The following PLXNA2 variants were observed in gnomAD, a reference collection of about 807,000 sequenced individuals.
PLXNA2 encodes plexin A2.
In PLXNA2, 91 loss-of-function variants were observed where a neutral mutation model predicts 193.5. The observed-to-expected ratio is 0.47, with a 90% CI of 0.40 to 0.56. The LOEUF (loss-of-function observed/expected upper bound fraction) is 0.56, where lower values mean the gene tolerates loss of function less well. Ranked by LOEUF, PLXNA2 falls within the 20% of genes least tolerant of loss-of-function variation. The pLI, the probability that PLXNA2 is intolerant of heterozygous loss-of-function variation, is 0.00. For missense variants in PLXNA2, 1,995 were observed against 2,503.2 expected, an observed-to-expected ratio of 0.80 and a Z score of 4.33; for synonymous variants, 997 against 1,027.3, an observed-to-expected ratio of 0.97 and a Z score of 0.56.
At chr1:208,117,106 G>A (rs1667660028) in intron 4 of PLXNA2, among the ~76,000 whole-genome samples, 1 of 152,172 alleles carries the variant, frequency 6.6e-6, no homozygotes, top group African/African-American at 2.4e-5. Context: ...GGGAGGTGGA[G>A]GTTGCAGTGA....
intron 4 of PLXNA2, among the ~76,000 whole-genome samples, chr1:208,135,605 A>G (rs1394739207): frequency 6.6e-6 from 1 of 152,206 alleles, no homozygotes; most frequent in Non-Finnish European, 1.5e-5. Context: ...TAAAGTTGTC[A>G]GTACTTCCCC....
intron 26 of PLXNA2, among the ~76,000 whole-genome samples, chr1:208,036,731 A>G (rs562839919): frequency 1.3e-5 from 2 of 152,360 alleles, no homozygotes; most frequent in East Asian, 3.9e-4. Context: ...AGTAAAACTC[A>G]GTAAATATTT....
At position 208,038,762 on chromosome 1, in the gene PLXNA2, T is replaced by A; in HGVS notation, c.4660+63A>T. On this transcript the variant is annotated intron_variant, in intron 25 of 31. Transcript: ENST00000367033. The surrounding 1 kb of genome is among the most constrained non-coding windows in gnomAD (Gnocchi z 4.1). ...CATGCCCCTGCAAGGGTTGTGTGCA[T>A]GGCAGCTTCCCTTCCTTCACCTCTC... 1 of 1,533,164 alleles carries A rather than the reference T, an allele frequency of 6.5e-7. No homozygotes were observed. Among genetic ancestry groups the A allele is most frequent in the Non-Finnish European group, 9.0e-7 (1 of 1,116,904 alleles). The allele number at this position is 1,533,164 out of a possible 1,614,324, so 95.0% of individuals were successfully genotyped here.
At chr1:208,198,627 C>G (rs895339260) in intron 3 of PLXNA2, among the ~76,000 whole-genome samples, 3 of 152,182 alleles carry the variant, frequency 2.0e-5, no homozygotes, top group African/African-American at 7.2e-5. Flanking sequence ...CAGCGTGTGC[C>G]GAGGTGACAG....
chr1:208,052,612 T>A, intron 14 of PLXNA2, 149 bp from the exon 15 acceptor site: 1 of 723,222 alleles, frequency 1.4e-6, no homozygotes, highest in Non-Finnish European at 2.3e-6. Flanking sequence ...TCTCTCTGCT[T>A]ACCCCAGAGG....
chr1:208,177,013 ACTC>A (rs57607136), intron 3 of PLXNA2, among the ~76,000 whole-genome samples: 57,351 of 151,336 alleles, frequency 0.38, 10,941 homozygotes, highest in Middle Eastern at 0.44. Context: ...ACAGCTCAAA[ACTC>A]CTTGCATTAC....
chr1:208,122,826 T>C (rs1269934235), intron 4 of PLXNA2, among the ~76,000 whole-genome samples: 1 of 152,166 alleles, frequency 6.6e-6, no homozygotes, highest in Admixed American at 6.5e-5. Context: ...ACTTCCTCTT[T>C]GGGTGGTGGT....
intron 3 of PLXNA2, among the ~76,000 whole-genome samples, chr1:208,190,292 A>G (rs1260005238): frequency 6.6e-6 from 1 of 152,148 alleles, no homozygotes; most frequent in African/African-American, 2.4e-5. Context: ...AGATGAGTAG[A>G]CTTTGGGGCT....
At chr1:208,049,974 A>G (rs565862817) in intron 17 of PLXNA2, among the ~76,000 whole-genome samples, 1 of 152,360 alleles carries the variant, frequency 6.6e-6, no homozygotes, top group South Asian at 2.1e-4. Flanking sequence ...ATAATTACAA[A>G]TACAATCATG....
rs576984086 is a variant in PLXNA2, at chr1:208,029,935, C to T, written c.5226-893G>A. The T allele has an allele frequency of 9.6e-5, 95 of 985,568 alleles. No individual in the cohort carries two copies. The South Asian group carries it at 1.7e-3, about 18-fold the overall frequency. The allele number at this position is 985,568 out of a possible 1,614,324, so 61.1% of individuals were successfully genotyped here. A position where few individuals can be genotyped will look rare whatever the true frequency, so the allele number is the denominator to read the frequency against. On this transcript the variant is annotated intron_variant, in intron 29 of 31. Coordinates refer to ENST00000367033, the MANE Select transcript of PLXNA2 (RefSeq NM_025179.4). ...GACTCCTCTGTGGAACCGGTCCTGT[C>T]ACAGGCTTGTCCTCCAGCCTGAGAT...
At chr1:208,210,685 C>A (rs1055159120) in intron 2 of PLXNA2, among the ~76,000 whole-genome samples, 2 of 152,290 alleles carry the variant, frequency 1.3e-5, no homozygotes, top group East Asian at 1.9e-4. Flanking sequence ...CAGGCAGCAA[C>A]CTTCCACTCA....
intron 31 of PLXNA2, 62 bp from the exon 32 acceptor site, chr1:208,027,400 G>A (rs1664374510): frequency 2.9e-6 from 4 of 1,398,724 alleles, no homozygotes; most frequent in African/African-American, 2.8e-5. Flanking sequence ...ACCATTTTCT[G>A]GAGTCGTTCC....
intron 4 of PLXNA2, among the ~76,000 whole-genome samples, chr1:208,119,142 C>T (rs1049285672): frequency 6.6e-6 from 1 of 152,072 alleles, no homozygotes; most frequent in Non-Finnish European, 1.5e-5. Context: ...TGCCTGAATG[C>T]TTCTTTTTTT....
At chr1:208,181,113 C>A (rs935745226) in intron 3 of PLXNA2, among the ~76,000 whole-genome samples, 7 of 152,208 alleles carry the variant, frequency 4.6e-5, no homozygotes, top group Non-Finnish European at 1.0e-4. Flanking sequence ...GTGGGAGGTT[C>A]TCTGGAGTGA....
rs117074428 is a variant in PLXNA2, at chr1:208,115,528, T to C, written c.1507-12281A>G. 1.1e-3 allele frequency among the ~76,000 whole-genome samples: 174 copies of C among 152,330 alleles called. No individual in the cohort carries two copies. The East Asian group carries it at 0.019, about 16-fold the overall frequency. On this transcript the variant is annotated intron_variant, in intron 4 of 31. Coordinates refer to ENST00000367033, the MANE Select transcript of PLXNA2 (RefSeq NM_025179.4). Reference sequence around the variant, plus strand: ...TCAGGCAGGCTGGCTACAGAGCCCATGTTCTCAACTTTTACACCATACCGC... The same window carrying C: ...TCAGGCAGGCTGGCTACAGAGCCCACGTTCTCAACTTTTACACCATACCGC...
intron 3 of PLXNA2, among the ~76,000 whole-genome samples, chr1:208,184,996 T>C (rs1222082187): frequency 6.6e-6 from 1 of 152,198 alleles, no homozygotes; most frequent in African/African-American, 2.4e-5. Flanking sequence ...CATTCTTCCC[T>C]TCTTTTAGGC....
intron 6 of PLXNA2, among the ~76,000 whole-genome samples, chr1:208,098,163 C>A (rs1666967652): frequency 2.6e-5 from 4 of 152,162 alleles, no homozygotes; most frequent in Admixed American, 2.6e-4. Flanking sequence ...TAGGTACAAA[C>A]TCCCCTGTTT....
chr1:208,112,006 G>A (rs4844642), intron 4 of PLXNA2, among the ~76,000 whole-genome samples: 43,616 of 152,114 alleles, frequency 0.29, 6,764 homozygotes, highest in South Asian at 0.37. Context: ...GAGACCTGAG[G>A]GCGGAGTGCA....
At chr1:208,171,283 T>G (rs1049592418) in intron 3 of PLXNA2, among the ~76,000 whole-genome samples, 11 of 152,218 alleles carry the variant, frequency 7.2e-5, no homozygotes, top group Non-Finnish European at 1.3e-4. Context: ...GTACTTTCAG[T>G]CAGAGGAGAT....
Sources: gnomAD v4.1 joint callset for allele counts (sites outside exome capture counted in the v4.1 genomes callset) on GRCh38, gnomAD v4.1.1 for gene constraint, Gnocchi (gnomAD v3.1) non-coding constraint, MANE v1.5 for transcripts, NCBI Gene and HGNC (gene_info 2026-07-23, HGNC 2026-07-21) for gene names.